Variants in TLK1 observed in about 807,000 individuals in gnomAD.
TLK1 encodes serine/threonine-protein kinase tousled-like 1.
A neutral mutation model predicts 105.3 loss-of-function variants in TLK1; 24 were observed. The observed-to-expected ratio is 0.23, with a 90% CI of 0.17 to 0.32. TLK1 has a LOEUF of 0.32. Among genes scored for constraint, TLK1 ranks in the 10% least tolerant of loss-of-function variants. The pLI is 1.00. For missense variants in TLK1, 558 were observed against 910.5 expected, an observed-to-expected ratio of 0.61 and a Z score of 4.98; for synonymous variants, 321 against 310.4, an observed-to-expected ratio of 1.03 and a Z score of -0.36.
At chr2:171,064,337 A>G (rs1687892680) in intron 3 of TLK1, among the ~76,000 whole-genome samples, 1 of 152,180 alleles carries the variant, frequency 6.6e-6, no homozygotes, top group African/African-American at 2.4e-5. Flanking sequence ...AGCATCTCCT[A>G]TTTTAATATT....
rs563037728 is a variant in TLK1 at position 171,038,700 on chromosome 2, C to A, written c.1169+7474G>T. On this transcript the variant is annotated intron_variant, in intron 11 of 20. Coordinates refer to ENST00000431350, the MANE Select transcript of TLK1 (RefSeq NM_012290.5). ...ACCAATGACTAAGGGAGAAAGAATA[C>A]CACTCTTACATAAACTTTCAATCCT... 2.0e-5 allele frequency among the ~76,000 whole-genome samples: 3 copies of A among 152,246 alleles called. No homozygotes were observed. In the South Asian group the frequency reaches 6.2e-4, roughly 32 times the overall value.
chr2:171,061,593 A>G (rs1334619329), intron 3 of TLK1, among the ~76,000 whole-genome samples: 1 of 152,208 alleles, frequency 6.6e-6, no homozygotes, highest in Non-Finnish European at 1.5e-5. Context: ...GGGGCAGAAC[A>G]CAAACCCTGA....
At chr2:171,056,339 A>G in intron 6 of TLK1, 132 bp downstream of exon 6, 1 of 595,498 alleles carries the variant, frequency 1.7e-6, no homozygotes, top group Non-Finnish European at 2.8e-6. Flanking sequence ...TGTCACAGAA[A>G]TAATGTATTA....
chr2:171,208,085 C>G (rs558728010), intron 1 of TLK1, among the ~76,000 whole-genome samples: 2 of 152,268 alleles, frequency 1.3e-5, no homozygotes, highest in East Asian at 3.9e-4. Flanking sequence ...AACCCAGGCT[C>G]TCTAACCTAA....
chr2:171,002,475 C>T (rs1277904808), intron 18 of TLK1, among the ~76,000 whole-genome samples: 2 of 151,726 alleles, frequency 1.3e-5, no homozygotes, highest in Non-Finnish European at 2.9e-5. Context: ...GGGGTTTCAC[C>T]GTGTTAGCCA....
rs528957778 is a variant in TLK1 at position 171,089,328 on chromosome 2, C to T, written c.259-6476G>A. On this transcript the variant is annotated intron_variant, in intron 2 of 20. Coordinates refer to ENST00000431350, the MANE Select transcript of TLK1 (RefSeq NM_012290.5). Reference sequence around the variant, plus strand: ...TCTTCTTGGCTACTGCCTTTTGGAACCTATTTATGAAATCTCTGCCAATCT... The same window carrying T: ...TCTTCTTGGCTACTGCCTTTTGGAATCTATTTATGAAATCTCTGCCAATCT... Among the ~76,000 whole-genome samples, 5 of 152,258 alleles carry T rather than the reference C, an allele frequency of 3.3e-5. 1 individual carries two copies. The highest frequency in any genetic ancestry group is 1.2e-4 in the African/African-American group (5 of 41,544).
At chr2:171,115,679 G>C (rs185866931) in intron 2 of TLK1, among the ~76,000 whole-genome samples, 46 of 152,296 alleles carry the variant, frequency 3.0e-4, no homozygotes, top group African/African-American at 9.6e-4. Context: ...GAAGCTGATG[G>C]TGGTGATATT....
At chr2:171,023,320 G>C (rs1559348472) in intron 12 of TLK1, among the ~76,000 whole-genome samples, 1 of 151,940 alleles carries the variant, frequency 6.6e-6, no homozygotes, top group Non-Finnish European at 1.5e-5. Flanking sequence ...GATGGTTCTT[G>C]ACTAATCCTG....
intron 2 of TLK1, among the ~76,000 whole-genome samples, chr2:171,112,007 A>G (rs1690197003): frequency 6.6e-6 from 1 of 152,324 alleles, no homozygotes; most frequent in East Asian, 1.9e-4. Context: ...GCTGGAGTGC[A>G]GTGGCATGAC....
chr2:171,063,972 T>C (rs188128458), intron 3 of TLK1, among the ~76,000 whole-genome samples: 1 of 152,366 alleles, frequency 6.6e-6, no homozygotes, highest in Admixed American at 6.5e-5. Flanking sequence ...TACTTAGTTT[T>C]GTTGTTTAAC....
intron 3 of TLK1, chr2:171,066,774 T>G (rs1362585986): frequency 6.7e-7 from 1 of 1,497,424 alleles, no homozygotes; most frequent in Non-Finnish European, 9.0e-7. Context: ...CCTTTAAGGC[T>G]TTATTTGTTA....
chr2:171,176,349 A>C (rs1320510092), intron 1 of TLK1, among the ~76,000 whole-genome samples: 1 of 152,144 alleles, frequency 6.6e-6, no homozygotes, highest in Non-Finnish European at 1.5e-5. Context: ...TTCAGAATAC[A>C]TGTCTCCAGC....
At position 171,160,321 on chromosome 2, in the gene TLK1, A is replaced by AT. The variant is rs1388171438; in HGVS notation, c.107dup (p.Asn36LysfsTer16). The AT allele has an allele frequency of 6.3e-7, 1 of 1,597,332 alleles. No individual in the cohort carries two copies. The highest frequency in any genetic ancestry group is 1.1e-5 in the South Asian group (1 of 89,380). ...TGGGCCTCCCGGATGGCGGCGTGTG[A>AT]TTCAGCAGGGACCTGGCCGCCGCCG... On this transcript the variant is annotated frameshift_variant, in exon 1 of 21. Coordinates refer to ENST00000431350, the MANE Select transcript of TLK1 (RefSeq NM_012290.5). LOFTEE classifies it high-confidence loss of function. This position sits in a 1 kb window ranked among gnomAD's most constrained non-coding sequence, Gnocchi z 4.4.
intron 11 of TLK1, among the ~76,000 whole-genome samples, chr2:171,032,353 G>T (rs1251687710): frequency 1.3e-5 from 2 of 151,964 alleles, no homozygotes; most frequent in African/African-American, 4.8e-5. Context: ...CCCAAAAAAT[G>T]CACAAGAAAA....
At chr2:171,055,217 A>AAC in intron 6 of TLK1, 45 bp from the exon 7 acceptor site, 1 of 1,191,138 alleles carries the variant, frequency 8.4e-7, no homozygotes, top group Non-Finnish European at 1.1e-6. Context: ...AAAAAAAAAA[A>AAC]AAAACACAAA....
intron 1 of TLK1, among the ~76,000 whole-genome samples, chr2:171,187,074 A>AG (rs1693041657): frequency 2.3e-5 from 3 of 129,040 alleles, no homozygotes; most frequent in East Asian, 3.5e-4. Flanking sequence ...AAAAAAAAAA[A>AG]AAAAAAAAAG....
intron 1 of TLK1, among the ~76,000 whole-genome samples, chr2:171,191,474 G>A (rs1693153522): frequency 1.3e-5 from 2 of 152,056 alleles, no homozygotes; most frequent in Non-Finnish European, 2.9e-5. Context: ...AGCTACTACA[G>A]GGACTGGGGC....
intron 1 of TLK1, among the ~76,000 whole-genome samples, chr2:171,230,117 C>T (rs1289409158): frequency 2.0e-5 from 3 of 152,150 alleles, no homozygotes; most frequent in African/African-American, 7.2e-5. Context: ...CCATCTAACT[C>T]TTTTTATCCA....
At chr2:171,175,338 T>C (rs1401280013) in intron 1 of TLK1, among the ~76,000 whole-genome samples, 2 of 152,226 alleles carry the variant, frequency 1.3e-5, no homozygotes, top group African/African-American at 4.8e-5. Flanking sequence ...GTGGTTGCAT[T>C]CTATGCTGAA....
Sources: gnomAD v4.1 joint callset for allele counts (sites outside exome capture counted in the v4.1 genomes callset) on GRCh38, gnomAD v4.1.1 for gene constraint, Gnocchi (gnomAD v3.1) non-coding constraint, MANE v1.5 for transcripts, NCBI Gene and HGNC (gene_info 2026-07-23, HGNC 2026-07-21) for gene names.